The following KLHL3 variants were observed in gnomAD, a reference collection of about 807,000 sequenced individuals.
KLHL3 encodes kelch like family member 3.
In KLHL3, 19 loss-of-function variants were observed where a neutral mutation model predicts 70.5. The ratio of observed to expected loss-of-function variants is 0.27; its 90% CI spans 0.19 to 0.40. The LOEUF (loss-of-function observed/expected upper bound fraction) is 0.40, where lower values mean the gene tolerates loss of function less well. KLHL3 is among the 10% of genes least tolerant of loss of function. The pLI, the probability that KLHL3 is intolerant of heterozygous loss-of-function variation, is 1.00. For missense variants in KLHL3, 512 were observed against 771.1 expected (o/e 0.66, Z 3.98); for synonymous variants, 258 against 290.3 (o/e 0.89, Z 1.13).
chr5:137,720,360 G>T, intron 2 of KLHL3, 105 bp downstream of exon 2: 1 of 1,348,708 alleles, frequency 7.4e-7, no homozygotes, highest in Non-Finnish European at 1.0e-6. Flanking sequence ...GATGGAAAGA[G>T]TCAGAATTCC....
In KLHL3 at chr5:137,639,972, C is replaced by A; in HGVS notation, c.909G>T (p.Met303Ile). The A allele has an allele frequency of 6.2e-7, 1 of 1,614,108 alleles. No individual in the cohort carries two copies. The highest frequency in any genetic ancestry group is 1.7e-5 in the Admixed American group (1 of 60,028). The change falls in exon 9 of 15, where the codon ATG becomes ATT. Residue 303 changes from methionine to isoleucine, a missense_variant. Transcript: ENST00000309755. The surrounding 1 kb of genome is among the most constrained non-coding windows in gnomAD (Gnocchi z 5.0). Reference sequence around the variant, plus strand: ...TGGGTGCCTGGCCGCCAACCACAATCATGACCTCCGGAGAGACAAGTGGAC... The same window carrying A: ...TGGGTGCCTGGCCGCCAACCACAATAATGACCTCCGGAGAGACAAGTGGAC... ...PRTPVSLPKV[M>I]IVVGGQAPKA...
chr5:137,641,464 T>A (rs1464218814), intron 8 of KLHL3, among the ~76,000 whole-genome samples: 2 of 152,146 alleles, frequency 1.3e-5, no homozygotes, highest in African/African-American at 4.8e-5. Context: ...AGAACCACCT[T>A]TTTAATCCAT....
chr5:137,618,988 A>G lies in KLHL3; in HGVS notation c.*3110T>C, dbSNP rs986996791. 6.6e-6 allele frequency: 1 copy of G among 152,438 alleles called. No individual in the cohort carries two copies. The highest frequency in any genetic ancestry group is 1.9e-4 in the East Asian group (1 of 5,184). The allele number at this position is 152,438 out of a possible 1,614,324, so 9.4% of individuals were successfully genotyped here. A position where few individuals can be genotyped will look rare whatever the true frequency, so the allele number is the denominator to read the frequency against. On this transcript the variant is annotated 3_prime_UTR_variant, in exon 15 of 15. Coordinates refer to ENST00000309755, the MANE Select transcript of KLHL3 (RefSeq NM_017415.3). The stretch of plus-strand genomic sequence containing the variant: ...AGGAAGAGAGCTACAGGCATGAACT[A>G]CGTTTGAGAGTGAATGATGCAAAGA...
chr5:137,673,490 G>C (rs1236491266), intron 6 of KLHL3, among the ~76,000 whole-genome samples: 1 of 152,032 alleles, frequency 6.6e-6, no homozygotes, highest in Non-Finnish European at 1.5e-5. Flanking sequence ...ACATCCATTT[G>C]ACCTCTCTCA....
Position 137,628,342 on chromosome 5 carries a change from T to C in KLHL3, c.1546A>G (p.Thr516Ala). 1 of 1,614,078 alleles carries C rather than the reference T, an allele frequency of 6.2e-7. No homozygotes were observed. Among genetic ancestry groups the C allele is most frequent in the East Asian group, 2.2e-5 (1 of 44,864 alleles). The stretch of plus-strand genomic sequence containing the variant: ...TTCATGTCTGCCACTTGCTTCCAGG[T>C]ATTTGTTCCAGGATCGTAAACCTCA... ...SVEVYDPGTN[T>A]WKQVADMNMC... The change falls in exon 13 of 15, where the codon ACC becomes GCC. Residue 516 changes from threonine (T) to alanine (A), a missense_variant. By Grantham distance (58) the Thr-to-Ala change is moderately conservative. Coordinates refer to ENST00000309755, the MANE Select transcript of KLHL3 (RefSeq NM_017415.3).
Position 137,703,722 on chromosome 5 carries a change from CCAG to C in KLHL3, c.242-5317_242-5315del, listed in dbSNP as rs1752617357. Among the ~76,000 whole-genome samples, 3 of 152,114 alleles carry C rather than the reference CCAG, an allele frequency of 2.0e-5. No individual in the cohort carries two copies. The South Asian group carries it at 6.2e-4, about 32-fold the overall frequency. On this transcript the variant is annotated intron_variant, in intron 3 of 14. Coordinates refer to ENST00000309755, the MANE Select transcript of KLHL3 (RefSeq NM_017415.3). ...ATTGTGAAAGGTGGGACAGCAGGAT[CCAG>C]CAGAACCACAGTGATAGACACCGCC...
intron 8 of KLHL3, among the ~76,000 whole-genome samples, chr5:137,648,514 C>T (rs971815710): frequency 5.3e-5 from 8 of 152,188 alleles, no homozygotes; most frequent in African/African-American, 1.9e-4. Context: ...AACAGGGTAA[C>T]GTAGGAGACT....
chr5:137,687,212 T>A (rs1253924527), intron 5 of KLHL3, among the ~76,000 whole-genome samples: 1 of 32,482 alleles, frequency 3.1e-5, no homozygotes, highest in Admixed American at 2.9e-4. Context: ...GAGGAGCCCC[T>A]CTGCCCGGCC....
At chr5:137,664,190 A>C (rs1751555986) in intron 6 of KLHL3, among the ~76,000 whole-genome samples, 1 of 151,876 alleles carries the variant, frequency 6.6e-6, no homozygotes. Context: ...TATCTCTACA[A>C]GATACAAAAA....
intron 5 of KLHL3, among the ~76,000 whole-genome samples, chr5:137,684,958 A>G (rs982547082): frequency 6.6e-6 from 1 of 152,224 alleles, no homozygotes; most frequent in African/African-American, 2.4e-5. Context: ...AGCAGGAGGG[A>G]CTGCCACAGC....
At chr5:137,717,162 T>C (rs1289212848) in intron 2 of KLHL3, among the ~76,000 whole-genome samples, 2 of 152,182 alleles carry the variant, frequency 1.3e-5, no homozygotes, top group African/African-American at 4.8e-5. Context: ...GCCAAGGACT[T>C]AGAGCCAAAA....
intron 8 of KLHL3, among the ~76,000 whole-genome samples, chr5:137,644,634 AC>A (rs1750998609): frequency 6.6e-6 from 1 of 152,220 alleles, no homozygotes; most frequent in Admixed American, 6.5e-5. Flanking sequence ...GAAAACCCAA[AC>A]AGACCAATAA....
intron 14 of KLHL3, among the ~76,000 whole-genome samples, chr5:137,623,235 T>C (rs1217737862): frequency 4.6e-5 from 7 of 152,200 alleles, no homozygotes; most frequent in Non-Finnish European, 1.0e-4. Flanking sequence ...TTACAGGTGT[T>C]TACAGGCAGG....
intron 6 of KLHL3, 41 bp downstream of exon 6, chr5:137,677,504 G>T: frequency 1.7e-6 from 2 of 1,183,216 alleles, no homozygotes; most frequent in South Asian, 1.3e-5. Context: ...ATGACCACCT[G>T]ACGAGTGAGG....
chr5:137,732,129 T>C (rs144721544), intron 1 of KLHL3, among the ~76,000 whole-genome samples: 1 of 152,308 alleles, frequency 6.6e-6, no homozygotes, highest in Non-Finnish European at 1.5e-5. Context: ...AAAATCCCAA[T>C]TGCAAGGGCA....
intron 5 of KLHL3, among the ~76,000 whole-genome samples, chr5:137,689,618 C>A (rs1752267965): frequency 6.6e-6 from 1 of 152,162 alleles, no homozygotes; most frequent in African/African-American, 2.4e-5. Context: ...GTGGGCTAAA[C>A]CCTGGGTGCC....
chr5:137,732,692 A>G (rs752152666), intron 1 of KLHL3, among the ~76,000 whole-genome samples: 16 of 152,178 alleles, frequency 1.1e-4, no homozygotes, highest in Non-Finnish European at 1.9e-4. Flanking sequence ...GCAGCAAAGT[A>G]TAGGGTACAA....
intron 4 of KLHL3, among the ~76,000 whole-genome samples, chr5:137,697,431 T>C (rs1752472823): frequency 6.6e-6 from 1 of 152,230 alleles, no homozygotes; most frequent in South Asian, 2.1e-4. Context: ...CCAAAAGCGC[T>C]GGGATTATAG....
intron 6 of KLHL3, chr5:137,673,699 T>C (rs979064620): frequency 2.6e-5 from 4 of 152,274 alleles, no homozygotes; most frequent in Admixed American, 2.0e-4. Flanking sequence ...GGACATCTGC[T>C]GAGTCCTTCC....
Sources: allele counts gnomAD v4.1 joint callset (sites outside exome capture counted in the v4.1 genomes callset), GRCh38; gene constraint gnomAD v4.1.1; non-coding constraint Gnocchi (gnomAD v3.1); transcripts MANE v1.5; gene names NCBI Gene and HGNC (gene_info 2026-07-23, HGNC 2026-07-21).